The following AUTS2 variants were observed in gnomAD, a reference collection of about 807,000 sequenced individuals.
AUTS2 encodes the protein activator of transcription and developmental regulator AUTS2.
A neutral mutation model predicts 112.4 loss-of-function variants in AUTS2; 17 were observed. That is an observed-to-expected ratio of 0.15 (90% CI 0.10 to 0.23). The LOEUF is 0.23. Among genes scored for constraint, AUTS2 ranks in the 10% least tolerant of loss-of-function variants. The pLI is 1.00. For synonymous variants in AUTS2, 751 were observed against 702.7 expected, an observed-to-expected ratio of 1.07 and a Z score of -1.09; for missense variants, 1,510 against 1,701.6, an observed-to-expected ratio of 0.89 and a Z score of 1.98.
At chr7:70,402,692 T>G (rs1011896182) in intron 4 of AUTS2, among the ~76,000 whole-genome samples, 11 of 152,170 alleles carry the variant, frequency 7.2e-5, no homozygotes, top group African/African-American at 2.7e-4. Flanking sequence ...TTCTTAACTG[T>G]GTGACCTGGG....
At chr7:70,171,779 T>A (rs537172131) in intron 4 of AUTS2, among the ~76,000 whole-genome samples, 2 of 152,260 alleles carry the variant, frequency 1.3e-5, no homozygotes, top group African/African-American at 4.8e-5. Context: ...TTATAAGAAA[T>A]GAATTTTTGT....
intron 6 of AUTS2, among the ~76,000 whole-genome samples, chr7:70,711,896 C>G (rs1447760328): frequency 1.3e-5 from 2 of 152,222 alleles, no homozygotes; most frequent in African/African-American, 4.8e-5. Flanking sequence ...TGCCCCTTTA[C>G]TCACTCCCCA....
intron 4 of AUTS2, among the ~76,000 whole-genome samples, chr7:70,325,845 G>A (rs763198946): frequency 4.6e-5 from 7 of 152,192 alleles, no homozygotes; most frequent in Admixed American, 2.6e-4. Flanking sequence ...AATCCAGTCC[G>A]GTGGAAGAAA....
intron 4 of AUTS2, chr7:70,194,908 C>T (rs1178193483): frequency 1.3e-5 from 2 of 152,136 alleles, no homozygotes; most frequent in Non-Finnish European, 2.9e-5. Flanking sequence ...GAGGTGTTAT[C>T]TCAGACAGCA....
chr7:70,310,473 C>T (rs530529047), intron 4 of AUTS2, among the ~76,000 whole-genome samples: 4 of 152,032 alleles, frequency 2.6e-5, no homozygotes, highest in South Asian at 2.1e-4. Flanking sequence ...ATTAGCTGGG[C>T]GTGGTGGTGG....
chr7:70,171,247 G>A (rs928226611), intron 4 of AUTS2, among the ~76,000 whole-genome samples: 8 of 152,174 alleles, frequency 5.3e-5, no homozygotes, highest in African/African-American at 1.2e-4. Context: ...ACTCACAGAC[G>A]TTGATAAGAT....
chr7:70,059,112 C>G (rs1366938892), intron 2 of AUTS2, among the ~76,000 whole-genome samples: 1 of 152,166 alleles, frequency 6.6e-6, no homozygotes, highest in African/African-American at 2.4e-5. Flanking sequence ...CATGTACTCA[C>G]CATTATGGTA....
At chr7:70,097,913 C>T (rs1045571066) in intron 2 of AUTS2, among the ~76,000 whole-genome samples, 12 of 152,146 alleles carry the variant, frequency 7.9e-5, no homozygotes, top group African/African-American at 2.9e-4. Flanking sequence ...TGAGTCTGTA[C>T]AGAACAGATG....
At chr7:69,636,393 C>T (rs1405658570) in intron 1 of AUTS2, among the ~76,000 whole-genome samples, 3 of 148,720 alleles carry the variant, frequency 2.0e-5, no homozygotes, top group Non-Finnish European at 3.0e-5. Flanking sequence ...TGCCACCACA[C>T]GTGGCTAATT....
intron 4 of AUTS2, among the ~76,000 whole-genome samples, chr7:70,168,202 G>A (rs778734812): frequency 3.3e-5 from 5 of 152,172 alleles, no homozygotes; most frequent in South Asian, 2.1e-4. Flanking sequence ...TGAACTCGTT[G>A]ATCTTCAGAT....
chr7:70,365,702 A>G (rs1792537287), intron 4 of AUTS2, among the ~76,000 whole-genome samples: 1 of 152,258 alleles, frequency 6.6e-6, no homozygotes, highest in African/African-American at 2.4e-5. Flanking sequence ...AACTAAGTGT[A>G]TTTAACCTTC....
intron 1 of AUTS2, among the ~76,000 whole-genome samples, chr7:69,752,359 G>A (rs1003017891): frequency 1.3e-5 from 2 of 152,202 alleles, no homozygotes; most frequent in Non-Finnish European, 2.9e-5. Context: ...ATGGATCCAA[G>A]CCAAGGCTGT....
rs146512803 is a variant in AUTS2 at position 70,089,768 on chromosome 7, G to A, written c.523-28364G>A. Among the ~76,000 whole-genome samples the A allele has an allele frequency of 6.5e-3, 989 of 152,072 alleles. 8 individuals carry two copies. Among genetic ancestry groups the A allele is most frequent in the African/African-American group, 0.022 (925 of 41,458 alleles). ...TCACGCCTGTAATCCCAGCACTTTG[G>A]GAGGCCGAGGCAGGTGGATCACTTG... On this transcript the variant is annotated intron_variant, in intron 2 of 18. Coordinates refer to ENST00000342771, the MANE Select transcript of AUTS2 (RefSeq NM_015570.4).
chr7:70,393,829 C>T (rs1231414934), intron 4 of AUTS2, among the ~76,000 whole-genome samples: 2 of 152,184 alleles, frequency 1.3e-5, no homozygotes, highest in African/African-American at 4.8e-5. Flanking sequence ...TTCTTCTTCA[C>T]TTTCCCCCAG....
chr7:70,356,011 A>G (rs898955559), intron 4 of AUTS2, among the ~76,000 whole-genome samples: 1 of 152,196 alleles, frequency 6.6e-6, no homozygotes, highest in African/African-American at 2.4e-5. Flanking sequence ...CTGTACCTTT[A>G]GGGCTGAACA....
At chr7:70,703,511 A>AG (rs1809575538) in intron 6 of AUTS2, among the ~76,000 whole-genome samples, 1 of 144,946 alleles carries the variant, frequency 6.9e-6, no homozygotes, top group Admixed American at 7.0e-5. Flanking sequence ...AAAAAAAAAA[A>AG]AGGCCTTTCC....
chr7:70,403,013 G>A (rs527978270), intron 4 of AUTS2, among the ~76,000 whole-genome samples: 3 of 152,280 alleles, frequency 2.0e-5, no homozygotes, highest in South Asian at 2.1e-4. Context: ...CTTAGGTGCA[G>A]TTGAAATAAT....
intron 1 of AUTS2, among the ~76,000 whole-genome samples, chr7:69,608,080 G>A (rs903169766): frequency 2.6e-5 from 4 of 152,094 alleles, no homozygotes; most frequent in Non-Finnish European, 4.4e-5. Flanking sequence ...GACTACAGGT[G>A]CATGCCAGCA....
chr7:70,435,287 C>T (rs1367089424), intron 4 of AUTS2, among the ~76,000 whole-genome samples: 1 of 152,222 alleles, frequency 6.6e-6, no homozygotes, highest in Non-Finnish European at 1.5e-5. Flanking sequence ...TACCTCTTTT[C>T]CTGTAGAAAA....
Sources: gnomAD v4.1 joint callset for allele counts (sites outside exome capture counted in the v4.1 genomes callset) on GRCh38, gnomAD v4.1.1 for gene constraint, MANE v1.5 for transcripts, NCBI Gene and HGNC (gene_info 2026-07-23, HGNC 2026-07-21) for gene names.